The following UBP1 variants were observed in gnomAD, a reference collection of about 807,000 sequenced individuals.
UBP1 encodes upstream binding protein 1.
UBP1 carries 22 observed loss-of-function variants against 76.1 expected under a neutral mutation model. The observed-to-expected ratio is 0.29, with a 90% CI of 0.21 to 0.41. The LOEUF (loss-of-function observed/expected upper bound fraction) is 0.41. Among genes scored for constraint, UBP1 ranks in the 10% least tolerant of loss-of-function variants. The probability of loss-of-function intolerance (pLI) is 1.00; values close to 1 mark genes in which losing one functional copy is unlikely to be tolerated. For synonymous variants in UBP1, 224 were observed against 237.1 expected (o/e 0.94, Z 0.51); for missense variants, 436 against 668.1 (o/e 0.65, Z 3.83).
chr3:33,412,624 T>C, intron 4 of UBP1, 98 bp downstream of exon 4: 3 of 814,710 alleles, frequency 3.7e-6, no homozygotes, highest in East Asian at 2.5e-5. Context: ...ACACCAAAAC[T>C]TTCCCCACAC....
chr3:33,411,606 G>A lies in UBP1; in HGVS notation c.530C>T (p.Ala177Val), dbSNP rs201905201. ...CTGAATGAAAGCAGAGGTGCGTTTT[G>A]CTGGGTCCCACAGAAATTCAACCGC... Reference protein sequence around the residue: ...LNAVEFLWDPAKRTSAFIQVH... With the variant: ...LNAVEFLWDPVKRTSAFIQVH... The change falls in exon 5 of 16, where the codon GCA becomes GTA. Residue 177 changes from alanine (A) to valine (V), a missense_variant. Transcript: ENST00000283629. The A allele has an allele frequency of 6.2e-7, 1 of 1,614,126 alleles. No individual in the cohort carries two copies. The highest frequency in any genetic ancestry group is 8.5e-7 in the Non-Finnish European group (1 of 1,179,992).
intron 8 of UBP1, among the ~76,000 whole-genome samples, chr3:33,406,054 T>G (rs1318816939): frequency 6.6e-6 from 1 of 152,234 alleles, no homozygotes. Context: ...ATAAACTTAT[T>G]GCATGGCATA....
chr3:33,402,010 G>C (rs1296886659), intron 9 of UBP1, among the ~76,000 whole-genome samples: 1 of 152,140 alleles, frequency 6.6e-6, no homozygotes, highest in African/African-American at 2.4e-5. Flanking sequence ...TCTCCTCAGG[G>C]GGAGAGCACA....
In UBP1 at chr3:33,408,113, CAG is replaced by C. The variant is rs373134128; in HGVS notation, c.927+575_927+576del. ...TGCCAAGAAGAAACATGAATCCCAT[CAG>C]AGTTTTTTTTTTTCTACCAGTGCTG... On this transcript the variant is annotated intron_variant, in intron 8 of 15. Coordinates refer to ENST00000283629, the MANE Select transcript of UBP1 (RefSeq NM_014517.5). 7.1e-4 allele frequency among the ~76,000 whole-genome samples: 108 copies of C among 152,080 alleles called. 1 individual carries two copies. In the East Asian group the frequency reaches 0.019, roughly 27 times the overall value.
intron 1 of UBP1, among the ~76,000 whole-genome samples, chr3:33,431,956 C>T (rs1364782873): frequency 2.6e-5 from 4 of 152,098 alleles, no homozygotes; most frequent in Non-Finnish European, 5.9e-5. Flanking sequence ...CATGAACCAA[C>T]CACTATTAAC....
Position 33,440,215 on chromosome 3 carries a change from T to G in UBP1, c.-367A>C, listed in dbSNP as rs1242358061. On this transcript the variant is annotated 5_prime_UTR_variant, in exon 1 of 16. Coordinates refer to ENST00000283629, the MANE Select transcript of UBP1 (RefSeq NM_014517.5). ...TCCGGGACCGCTGGGAGGCTGGACCTCGGGCCGCTCCGAGGACCACACGGG... is the reference window on the plus strand; with the variant it reads ...TCCGGGACCGCTGGGAGGCTGGACCGCGGGCCGCTCCGAGGACCACACGGG... 6.4e-6 allele frequency: 1 copy of G among 155,704 alleles called. No homozygotes were observed. The highest frequency in any genetic ancestry group is 1.4e-5 in the Non-Finnish European group (1 of 70,482). 9.6% of individuals were successfully genotyped at this position (155,704 alleles called of 1,614,324 possible). A position where few individuals can be genotyped will look rare whatever the true frequency, so the allele number is the denominator to read the frequency against.
chr3:33,433,710 C>T (rs2045153687), intron 1 of UBP1, among the ~76,000 whole-genome samples: 1 of 151,630 alleles, frequency 6.6e-6, no homozygotes, highest in African/African-American at 2.4e-5. Flanking sequence ...TCTATTAGAT[C>T]TGTCCCAAAA....
intron 14 of UBP1, chr3:33,393,040 G>A: frequency 2.7e-6 from 1 of 374,304 alleles, no homozygotes; most frequent in East Asian, 4.4e-5. Flanking sequence ...AAGGGCCAAA[G>A]CCTGCCACTA....
intron 2 of UBP1, among the ~76,000 whole-genome samples, chr3:33,422,596 G>A (rs886282769): frequency 2.0e-5 from 3 of 151,806 alleles, no homozygotes; most frequent in African/African-American, 7.3e-5. Context: ...ATGGTGTCCT[G>A]TGCCTGTAGT....
intron 15 of UBP1, 68 bp downstream of exon 15, chr3:33,392,495 C>A: frequency 7.6e-7 from 1 of 1,311,986 alleles, no homozygotes; most frequent in South Asian, 1.3e-5. Context: ...ACACGAGAGG[C>A]ACTAATTAGA....
At chr3:33,399,512 C>A (rs759553755) in intron 11 of UBP1, among the ~76,000 whole-genome samples, 1 of 152,124 alleles carries the variant, frequency 6.6e-6, no homozygotes, top group African/African-American at 2.4e-5. Context: ...AACACAACAA[C>A]TTAGGTGGCC....
At chr3:33,418,074 C>G (rs756144968) in intron 2 of UBP1, among the ~76,000 whole-genome samples, 1 of 151,996 alleles carries the variant, frequency 6.6e-6, no homozygotes. Flanking sequence ...GATATATGCA[C>G]TATATTTAAC....
intron 2 of UBP1, among the ~76,000 whole-genome samples, chr3:33,423,865 A>G (rs749838960): frequency 8.5e-5 from 13 of 152,230 alleles, no homozygotes; most frequent in Admixed American, 3.3e-4. Context: ...CTATATCACT[A>G]CTACAGATGG....
At chr3:33,416,046 T>C (rs1407409246) in intron 3 of UBP1, 3 of 152,080 alleles carry the variant, frequency 2.0e-5, no homozygotes, top group African/African-American at 4.8e-5. Context: ...GTCTTTCCAA[T>C]AGAATGCCCC....
intron 13 of UBP1, among the ~76,000 whole-genome samples, chr3:33,395,898 C>A (rs2043973215): frequency 6.7e-6 from 1 of 149,288 alleles, no homozygotes; most frequent in African/African-American, 2.5e-5. Flanking sequence ...AGTTTTTCCA[C>A]TTGTTAGATA....
In UBP1 at chr3:33,430,015, C is replaced by A. The variant is rs547171000; in HGVS notation, c.114-4274G>T. On this transcript the variant is annotated intron_variant, in intron 1 of 15. Transcript: ENST00000283629. ...CATGAAAGAAACAAAATAGAAAAAA[C>A]AACATAGAGAACTGTTTAGTAATGG... Among the ~76,000 whole-genome samples the A allele has an allele frequency of 4.0e-3, 613 of 152,206 alleles. 1 individual carries two copies. The highest frequency in any genetic ancestry group is 0.014 in the African/African-American group (569 of 41,530).
intron 13 of UBP1, among the ~76,000 whole-genome samples, chr3:33,394,198 T>G (rs1010103400): frequency 5.6e-5 from 7 of 125,282 alleles, no homozygotes; most frequent in Admixed American, 4.4e-4. Flanking sequence ...ATTTTTATTA[T>G]TATTATTATT....
chr3:33,433,142 C>G (rs2045141877), intron 1 of UBP1, among the ~76,000 whole-genome samples: 1 of 151,138 alleles, frequency 6.6e-6, no homozygotes, highest in African/African-American at 2.4e-5. Context: ...CTCACTGCAA[C>G]CTCCACCTCC....
intron 1 of UBP1, among the ~76,000 whole-genome samples, chr3:33,430,824 G>GCCT (rs1264338425): frequency 6.6e-6 from 1 of 152,060 alleles, no homozygotes; most frequent in African/African-American, 2.4e-5. Flanking sequence ...AGGTAACATG[G>GCCT]CCTCCTCCTC....
Sources: allele counts gnomAD v4.1 joint callset (sites outside exome capture counted in the v4.1 genomes callset), GRCh38; gene constraint gnomAD v4.1.1; transcripts MANE v1.5; gene names NCBI Gene and HGNC (gene_info 2026-07-23, HGNC 2026-07-21).